Variants in RNF170 observed in about 807,000 individuals in gnomAD.
RNF170 encodes ring finger protein 170, also known as E3 ubiquitin-protein ligase RNF170.
Under a neutral mutation model 32.7 loss-of-function variants are expected in RNF170, and 12 were observed. The ratio of observed to expected loss-of-function variants is 0.37; its 90% CI spans 0.24 to 0.60. The LOEUF is 0.60. Among genes scored for constraint, RNF170 ranks in the 20% least tolerant of loss-of-function variants. The pLI is 0.72. For synonymous variants in RNF170, 91 were observed against 103.6 expected (o/e 0.88, Z 0.74); for missense variants, 212 against 311.2 (o/e 0.68, Z 2.40).
At chr8:42,851,624 C>T (rs1586464841), downstream of RNF170, among the ~76,000 whole-genome samples, 1 of 151,766 alleles carries the variant, frequency 6.6e-6, no homozygotes, top group East Asian at 1.9e-4. Flanking sequence ...ATATTAACAC[C>T]GAATTAAGCT....
chr8:42,896,480 G>C lies in RNF170; in HGVS notation c.-8+4C>G, dbSNP rs1032307241. 1.1e-5 allele frequency: 5 copies of C among 453,784 alleles called. No homozygotes were observed. The highest frequency in any genetic ancestry group is 8.0e-5 in the African/African-American group (4 of 49,946). 28.1% of individuals were successfully genotyped at this position (453,784 alleles called of 1,614,324 possible). ...TGGGCGTGGCCGCCGCGCGCCGGAC[G>C]TACCTCTCCACCGCGAAGGAACTAC... is the stretch of plus-strand genomic sequence containing the variant. On this transcript the variant is annotated splice_donor_region_variant and intron_variant, in intron 1 of 6. Coordinates refer to ENST00000527424, the MANE Select transcript of RNF170 (RefSeq NM_030954.4).
chr8:42,894,208 T>C (rs1422398691), intron 1 of RNF170, among the ~76,000 whole-genome samples: 2 of 152,188 alleles, frequency 1.3e-5, no homozygotes, highest in African/African-American at 2.4e-5. Flanking sequence ...CGTAACATCA[T>C]GCACAAAAGC....
chr8:42,871,797 G>A (rs1804542395), intron 3 of RNF170, among the ~76,000 whole-genome samples: 1 of 152,180 alleles, frequency 6.6e-6, no homozygotes, highest in Admixed American at 6.5e-5. Flanking sequence ...GACCTCAGGT[G>A]ATCTGCCCGC....
rs556882821 is a variant in RNF170 at position 42,875,912 on chromosome 8, A to C, written c.138-1906T>G. Among the ~76,000 whole-genome samples the C allele has an allele frequency of 2.6e-5, 4 of 152,248 alleles. No homozygotes were observed. In the South Asian group the frequency reaches 8.3e-4, roughly 32 times the overall value. On this transcript the variant is annotated intron_variant, in intron 2 of 6. Coordinates refer to ENST00000527424, the MANE Select transcript of RNF170 (RefSeq NM_030954.4). Reference sequence around the variant, plus strand: ...AGCTTGATGCATTCTTCATTTTAAAATAAGGCACATTTTTATGATTGAACA... The same window carrying C: ...AGCTTGATGCATTCTTCATTTTAAACTAAGGCACATTTTTATGATTGAACA...
In RNF170 at chr8:42,896,476, G is replaced by T. The variant is rs773289369; in HGVS notation, c.-8+8C>A. On this transcript the variant is annotated splice_region_variant and intron_variant, in intron 1 of 6. Transcript: ENST00000527424. ...AGGGTGGGCGTGGCCGCCGCGCGCC[G>T]GACGTACCTCTCCACCGCGAAGGAA... The T allele has an allele frequency of 2.2e-6, 1 of 453,904 alleles. No homozygotes were observed. The highest frequency in any genetic ancestry group is 2.3e-5 in the Admixed American group (1 of 42,562). The allele number at this position is 453,904 out of a possible 1,614,324, so 28.1% of individuals were successfully genotyped here.
Position 42,853,925 on chromosome 8 carries a change from C to G in RNF170, c.*2234G>C, listed in dbSNP as rs1406347120. The G allele has an allele frequency of 7.8e-7, 1 of 1,287,068 alleles. No homozygotes were observed. Among genetic ancestry groups the G allele is most frequent in the Non-Finnish European group, 1.0e-6 (1 of 988,622 alleles). The allele number at this position is 1,287,068 out of a possible 1,614,324, so 79.7% of individuals were successfully genotyped here. On this transcript the variant is annotated 3_prime_UTR_variant, in exon 7 of 7. Transcript: ENST00000527424. Reference sequence around the variant, plus strand: ...ACTCCAAATATTATAATTATTGTAACCAGAATTGTGACACTTGGAGCAGAA... The same window carrying G: ...ACTCCAAATATTATAATTATTGTAAGCAGAATTGTGACACTTGGAGCAGAA...
At position 42,853,546 on chromosome 8, in the gene RNF170, G is replaced by A. The variant is rs189444631; in HGVS notation, c.*2613C>T. Reference sequence around the variant, plus strand: ...TTTTCCCCGTCTTGTTCCCCACAGAGCTGCCCAAGTTATTATCTGCTCCTG... The same window carrying A: ...TTTTCCCCGTCTTGTTCCCCACAGAACTGCCCAAGTTATTATCTGCTCCTG... On this transcript the variant is annotated 3_prime_UTR_variant, in exon 7 of 7. Transcript: ENST00000527424. 1.7e-3 allele frequency: 2,246 copies of A among 1,287,138 alleles called. 2 individuals carry two copies. Among genetic ancestry groups the A allele is most frequent in the Non-Finnish European group, 1.8e-3 (1,803 of 988,684 alleles). 79.7% of individuals were successfully genotyped at this position (1,287,138 alleles called of 1,614,324 possible).
At chr8:42,870,806 A>T (rs1804465106) in intron 3 of RNF170, among the ~76,000 whole-genome samples, 1 of 152,216 alleles carries the variant, frequency 6.6e-6, no homozygotes, top group Non-Finnish European at 1.5e-5. Context: ...TTTCATTTTA[A>T]AAGTGTTGCA....
At position 42,887,872 on chromosome 8, in the gene RNF170, C is replaced by T; in HGVS notation, c.-7-1G>A. ...ACCTTGATATTTGGCCATTCCAGGTCTAAAATAAGAAGAAACAAGATGAGA... is the reference window on the plus strand; with the variant it reads ...ACCTTGATATTTGGCCATTCCAGGTTTAAAATAAGAAGAAACAAGATGAGA... On this transcript the variant is annotated splice_acceptor_variant, in intron 1 of 6. Transcript: ENST00000527424. LOFTEE classifies it low-confidence loss of function (5UTR_SPLICE). 6.2e-7 allele frequency: 1 copy of T among 1,612,552 alleles called. No homozygotes were observed. The highest frequency in any genetic ancestry group is 8.5e-7 in the Non-Finnish European group (1 of 1,178,714).
chr8:42,853,842 T>A lies in RNF170; in HGVS notation c.*2317A>T. 7.8e-7 allele frequency: 1 copy of A among 1,286,622 alleles called. No individual in the cohort carries two copies. Among genetic ancestry groups the A allele is most frequent in the Middle Eastern group, 3.3e-4 (1 of 3,064 alleles). 79.7% of individuals were successfully genotyped at this position (1,286,622 alleles called of 1,614,324 possible). Reference sequence around the variant, plus strand: ...TAGGAAGCTTTAAGATCATTTAGTATTTTTTTATGTTACAAAATTTGGTAC... The same window carrying A: ...TAGGAAGCTTTAAGATCATTTAGTAATTTTTTATGTTACAAAATTTGGTAC... On this transcript the variant is annotated 3_prime_UTR_variant, in exon 7 of 7. Transcript: ENST00000527424.
At position 42,855,894 on chromosome 8, in the gene RNF170, A is replaced by G; in HGVS notation, c.*265T>C. Reference sequence around the variant, plus strand: ...TATATAAAAGCATCCCTTTTTATATAATTCCATATTTTTTCCAGACAACAT... The same window carrying G: ...TATATAAAAGCATCCCTTTTTATATGATTCCATATTTTTTCCAGACAACAT... On this transcript the variant is annotated 3_prime_UTR_variant, in exon 7 of 7. Transcript: ENST00000527424. 8.1e-7 allele frequency: 1 copy of G among 1,229,248 alleles called. No individual in the cohort carries two copies. Among genetic ancestry groups the G allele is most frequent in the Non-Finnish European group, 1.1e-6 (1 of 939,796 alleles). 76.1% of individuals were successfully genotyped at this position (1,229,248 alleles called of 1,614,324 possible).
At chr8:42,877,882 C>G (rs1347191067) in intron 2 of RNF170, among the ~76,000 whole-genome samples, 1 of 152,144 alleles carries the variant, frequency 6.6e-6, no homozygotes, top group Non-Finnish European at 1.5e-5. Context: ...TACAGGAAAT[C>G]CTGATTTTAT....
At chr8:42,863,980 AGTGTGTGTGTGTGTGTGTGTGTGT>A (rs71231874) in intron 5 of RNF170, among the ~76,000 whole-genome samples, 2 of 139,512 alleles carry the variant, frequency 1.4e-5, no homozygotes, top group South Asian at 2.3e-4. Context: ...AGAGAGAGAG[AGTGTGTGTGTGTGTGTGTGTGTGT>A]GTGTGTGTGA....
chr8:42,867,246 C>A (rs1210274380), intron 4 of RNF170, among the ~76,000 whole-genome samples: 2 of 150,678 alleles, frequency 1.3e-5, no homozygotes, highest in African/African-American at 4.9e-5. Context: ...CTGAGGCAGG[C>A]GGATCACCTG....
intron 2 of RNF170, among the ~76,000 whole-genome samples, chr8:42,874,970 G>A (rs959229165): frequency 1.3e-5 from 2 of 151,952 alleles, no homozygotes; most frequent in Non-Finnish European, 2.9e-5. Context: ...TTGGGAGTTC[G>A]AGACCAGCCT....
At chr8:42,858,665 C>A (rs1051115773) in intron 6 of RNF170, among the ~76,000 whole-genome samples, 11 of 152,188 alleles carry the variant, frequency 7.2e-5, no homozygotes, top group Non-Finnish European at 1.0e-4. Flanking sequence ...AGATAGTTGT[C>A]ATTTAAAGAC....
downstream of RNF170, chr8:42,850,938 G>T: frequency 1.3e-6 from 2 of 1,551,696 alleles, no homozygotes; most frequent in East Asian, 4.9e-5. Flanking sequence ...GTGTGTCCAG[G>T]CATGCAACAG....
intron 1 of RNF170, among the ~76,000 whole-genome samples, chr8:42,894,812 C>T (rs1263172591): frequency 6.6e-6 from 1 of 152,134 alleles, no homozygotes; most frequent in Admixed American, 6.5e-5. Flanking sequence ...CCTCGGCCTC[C>T]CAAAGTGCTG....
intron 2 of RNF170, among the ~76,000 whole-genome samples, chr8:42,880,981 CAT>C (rs1334040467): frequency 2.0e-5 from 3 of 152,060 alleles, no homozygotes; most frequent in African/African-American, 4.8e-5. Context: ...CTATTACACA[CAT>C]AGACTATGAT....
Sources: gnomAD v4.1 joint callset for allele counts (sites outside exome capture counted in the v4.1 genomes callset) on GRCh38, gnomAD v4.1.1 for gene constraint, MANE v1.5 for transcripts, NCBI Gene and HGNC (gene_info 2026-07-23, HGNC 2026-07-21) for gene names.